Variants in SEMA6A observed in about 807,000 individuals in gnomAD.
SEMA6A encodes the protein semaphorin 6A.
In SEMA6A, 25 loss-of-function variants were observed where a neutral mutation model predicts 96.8. The ratio of observed to expected loss-of-function variants is 0.26; its 90% CI spans 0.19 to 0.36. The LOEUF is 0.36. Ranked by LOEUF, SEMA6A falls within the 10% of genes least tolerant of loss-of-function variation. The pLI is 1.00. For missense variants in SEMA6A, 1,363 were observed against 1,323.1 expected (o/e 1.03, Z -0.47); for synonymous variants, 612 against 518.0 (o/e 1.18, Z -2.46).
intron 1 of SEMA6A, among the ~76,000 whole-genome samples, chr5:116,539,590 CGT>C (rs138539399): frequency 0.024 from 3,485 of 144,166 alleles, 44 homozygotes; most frequent in Non-Finnish European, 0.03. Flanking sequence ...TAATTCTGTG[CGT>C]GTGTGTGTGT....
intron 1 of SEMA6A, among the ~76,000 whole-genome samples, chr5:116,523,313 A>G (rs1247623052): frequency 6.6e-6 from 1 of 151,958 alleles, no homozygotes; most frequent in African/African-American, 2.4e-5. Context: ...GGTGGGAGAC[A>G]GCAGTTTCTT....
intron 1 of SEMA6A, among the ~76,000 whole-genome samples, chr5:116,531,680 G>A (rs752828114): frequency 5.3e-5 from 8 of 152,012 alleles, no homozygotes; most frequent in Admixed American, 2.0e-4. Context: ...AAAGTTTAAC[G>A]TCCTGGTTCT....
chr5:116,525,219 A>G (rs1759169951), intron 1 of SEMA6A, among the ~76,000 whole-genome samples: 1 of 152,016 alleles, frequency 6.6e-6, no homozygotes, highest in Non-Finnish European at 1.5e-5. Flanking sequence ...GCTTTCATGG[A>G]GCTTATATTC....
intron 3 of SEMA6A, among the ~76,000 whole-genome samples, chr5:116,500,271 G>A (rs1194130700): frequency 1.3e-5 from 2 of 152,178 alleles, no homozygotes; most frequent in East Asian, 1.9e-4. Flanking sequence ...GCATAGTACA[G>A]GGAATGACAG....
chr5:116,491,231 G>C (rs551780121), intron 7 of SEMA6A, among the ~76,000 whole-genome samples: 2 of 152,210 alleles, frequency 1.3e-5, no homozygotes, highest in Non-Finnish European at 2.9e-5. Context: ...AGGAAGACAT[G>C]TAGCCCTAAT....
At position 116,480,009 on chromosome 5, in the gene SEMA6A, G is replaced by A. The variant is rs528035391; in HGVS notation, c.1250+113C>T. 50 of 1,249,884 alleles carry A rather than the reference G, an allele frequency of 4.0e-5. 1 individual carries two copies. In the South Asian group the frequency reaches 6.6e-4, roughly 17 times the overall value. The allele number at this position is 1,249,884 out of a possible 1,614,324, so 77.4% of individuals were successfully genotyped here. On this transcript the variant is annotated intron_variant, in intron 12 of 18. Coordinates refer to ENST00000343348, the MANE Select transcript of SEMA6A (RefSeq NM_020796.5). ...GCCACCATTTCACAGCTGAATGAAT[G>A]CCCAGGATAGCAGAAGATGTTTGTG...
intron 3 of SEMA6A, chr5:116,498,331 CT>C (rs1256213292): frequency 6.6e-6 from 1 of 152,122 alleles, no homozygotes; most frequent in African/African-American, 2.4e-5. Flanking sequence ...CCCATACAGA[CT>C]TTTAAGTCCC....
intron 1 of SEMA6A, among the ~76,000 whole-genome samples, chr5:116,547,988 A>G (rs1169312087): frequency 2.0e-5 from 3 of 152,034 alleles, no homozygotes; most frequent in African/African-American, 4.8e-5. Flanking sequence ...TCTGACCTTC[A>G]TGGTAGCATG....
At chr5:116,478,195 C>G (rs1756561600) in intron 13 of SEMA6A, 41 bp from the exon 14 acceptor site, 2 of 1,599,046 alleles carry the variant, frequency 1.3e-6, no homozygotes, top group Non-Finnish European at 1.7e-6. Flanking sequence ...ATAGACTCTT[C>G]TCTTTTTCTC....
At position 116,546,583 on chromosome 5, in the gene SEMA6A, C is replaced by A. The variant is rs566438872; in HGVS notation, c.-39+27602G>T. On this transcript the variant is annotated intron_variant, in intron 1 of 18. Transcript: ENST00000343348. ...CCTGAGCATCTACATTTCTAATAAG[C>A]TTTTGGGTGATGCTCATGCTGCTGG... is the stretch of plus-strand genomic sequence containing the variant. Among the ~76,000 whole-genome samples, 16 of 152,318 alleles carry A rather than the reference C, an allele frequency of 1.1e-4. No individual in the cohort carries two copies. In the East Asian group the frequency reaches 1.9e-3, roughly 18 times the overall value.
intron 1 of SEMA6A, among the ~76,000 whole-genome samples, chr5:116,553,887 A>G (rs931129047): frequency 5.9e-5 from 9 of 152,206 alleles, no homozygotes; most frequent in African/African-American, 2.2e-4. Flanking sequence ...ATTTTTTAAA[A>G]TAAGTAATTA....
chr5:116,477,837 G>C lies in SEMA6A; in HGVS notation c.1649+9C>G, dbSNP rs1756536317. On this transcript the variant is annotated intron_variant, in intron 15 of 18. Transcript: ENST00000343348. ...CACTTCACCCTCTCCCACACCTCAGGCTGCCTACCTGCTGTTGGGTGATAA... is the reference window on the plus strand; with the variant it reads ...CACTTCACCCTCTCCCACACCTCAGCCTGCCTACCTGCTGTTGGGTGATAA... 1 of 1,613,230 alleles carries C rather than the reference G, an allele frequency of 6.2e-7. No individual in the cohort carries two copies. Among genetic ancestry groups the C allele is most frequent in the African/African-American group, 1.3e-5 (1 of 74,892 alleles).
chr5:116,475,425 G>A (rs951397778), intron 16 of SEMA6A, 120 bp downstream of exon 16: 71 of 589,194 alleles, frequency 1.2e-4, no homozygotes, highest in African/African-American at 1.2e-3. Flanking sequence ...GATGATTTCC[G>A]TCATTTACGC....
chr5:116,554,160 A>C (rs1226592091), intron 1 of SEMA6A, among the ~76,000 whole-genome samples: 1 of 152,216 alleles, frequency 6.6e-6, no homozygotes, highest in Non-Finnish European at 1.5e-5. Flanking sequence ...CCTGCCTTAG[A>C]AAGAATTATT....
At chr5:116,455,871 G>T (rs1754979939) in intron 18 of SEMA6A, among the ~76,000 whole-genome samples, 1 of 152,092 alleles carries the variant, frequency 6.6e-6, no homozygotes, top group Non-Finnish European at 1.5e-5. Context: ...TATGTCACTC[G>T]GTCTCCAGGC....
chr5:116,545,911 C>T (rs1290325429), intron 1 of SEMA6A, among the ~76,000 whole-genome samples: 2 of 152,160 alleles, frequency 1.3e-5, no homozygotes, highest in Admixed American at 1.3e-4. Context: ...TGCCATTCAT[C>T]ATAACTCTGC....
Position 116,488,169 on chromosome 5 carries a change from T to A in SEMA6A, c.683A>T (p.Tyr228Phe). 1 of 1,611,796 alleles carries A rather than the reference T, an allele frequency of 6.2e-7. No individual in the cohort carries two copies. Among genetic ancestry groups the A allele is most frequent in the South Asian group, 1.1e-5 (1 of 90,446 alleles). The change falls in exon 9 of 19, where the codon TAC becomes TTC. Residue 228 changes from tyrosine to phenylalanine, a missense_variant. Tyr to Phe is a conservative substitution (Grantham distance 22). Transcript: ENST00000343348. ...KEPYFVQAVD[Y>F]GDYIYFFFRE... is the part of the protein sequence containing the mutation. ...GAAGAAGAAGTAGATATAATCTCCG[T>A]AATCCACGGCTTGAACAAAGTATGG... is the stretch of plus-strand genomic sequence containing the variant.
chr5:116,572,288 G>A (rs952955296), intron 1 of SEMA6A, among the ~76,000 whole-genome samples: 3 of 152,190 alleles, frequency 2.0e-5, no homozygotes, highest in Admixed American at 1.3e-4. Flanking sequence ...ATTCAGTAGC[G>A]TAAAAAAGCT....
chr5:116,573,025 C>T (rs1017290367), intron 1 of SEMA6A, among the ~76,000 whole-genome samples: 40 of 152,320 alleles, frequency 2.6e-4, no homozygotes, highest in Middle Eastern at 3.4e-3. Flanking sequence ...TGGCTCCCCC[C>T]GTGCCGCTCG....
Sources: allele counts gnomAD v4.1 joint callset (sites outside exome capture counted in the v4.1 genomes callset), GRCh38; gene constraint gnomAD v4.1.1; transcripts MANE v1.5; gene names NCBI Gene and HGNC (gene_info 2026-07-23, HGNC 2026-07-21).